C8orf34: variants seen among roughly 807,000 people sequenced by gnomAD.
C8orf34 encodes uncharacterized protein C8orf34.
In C8orf34, 65 loss-of-function variants were observed where a neutral mutation model predicts 68.3. The ratio of observed to expected loss-of-function variants is 0.95; its 90% confidence interval spans 0.78 to 1.17. The LOEUF (loss-of-function observed/expected upper bound fraction) is 1.17. Among genes scored for constraint, C8orf34 ranks in the 50% most tolerant of loss-of-function variants. The pLI, the probability that C8orf34 is intolerant of heterozygous loss-of-function variation, is 0.00. For missense variants in C8orf34, 664 were observed against 655.4 expected, an observed-to-expected ratio of 1.01 and a Z score of -0.14; for synonymous variants, 244 against 241.2, an observed-to-expected ratio of 1.01 and a Z score of -0.11.
intron 7 of C8orf34, among the ~76,000 whole-genome samples, chr8:68,625,048 T>A (rs974204223): frequency 5.9e-5 from 9 of 152,156 alleles, no homozygotes; most frequent in African/African-American, 2.2e-4. Flanking sequence ...TAAAGAAGTA[T>A]AACAGAATAA....
chr8:68,760,374 G>A (rs1018046809), intron 10 of C8orf34, among the ~76,000 whole-genome samples: 1 of 152,156 alleles, frequency 6.6e-6, no homozygotes, highest in African/African-American at 2.4e-5. Flanking sequence ...GAAAATTGAA[G>A]TGACTTGCCT....
intron 6 of C8orf34, chr8:68,525,709 G>C (rs1814947916): frequency 1.5e-6 from 1 of 652,898 alleles, no homozygotes; most frequent in African/African-American, 1.8e-5. Context: ...TGTTTAGCCT[G>C]CCTGTGAGGT....
intron 7 of C8orf34, among the ~76,000 whole-genome samples, chr8:68,536,170 C>T (rs1004360241): frequency 6.6e-6 from 1 of 151,418 alleles, no homozygotes; most frequent in Admixed American, 6.6e-5. Context: ...TGCTTGAGCC[C>T]AGGAATTTGA....
intron 7 of C8orf34, among the ~76,000 whole-genome samples, chr8:68,608,931 G>T (rs1233157396): frequency 6.6e-6 from 1 of 152,142 alleles, no homozygotes; most frequent in African/African-American, 2.4e-5. Context: ...ATTTTGGGGG[G>T]CCAAGGGAGG....
At chr8:68,618,687 T>G (rs1296326746) in intron 7 of C8orf34, among the ~76,000 whole-genome samples, 2 of 152,126 alleles carry the variant, frequency 1.3e-5, no homozygotes, top group African/African-American at 2.4e-5. Flanking sequence ...GTACTTTATT[T>G]TTACAAATCA....
intron 7 of C8orf34, among the ~76,000 whole-genome samples, chr8:68,540,655 T>C (rs1278484209): frequency 6.6e-6 from 1 of 151,876 alleles, no homozygotes. Context: ...GCCTGGCTAG[T>C]ATGGTGAAAC....
intron 1 of C8orf34, among the ~76,000 whole-genome samples, chr8:68,420,381 A>T (rs1331156782): frequency 1.3e-5 from 2 of 152,158 alleles, no homozygotes; most frequent in East Asian, 3.8e-4. Flanking sequence ...AAAAATGTAA[A>T]TTTTTTGAAA....
chr8:68,473,839 A>G (rs1400217300), intron 4 of C8orf34, among the ~76,000 whole-genome samples: 2 of 152,156 alleles, frequency 1.3e-5, no homozygotes, highest in Non-Finnish European at 2.9e-5. Flanking sequence ...TGGAATGAGC[A>G]GTTTTCCAGT....
intron 11 of C8orf34, among the ~76,000 whole-genome samples, chr8:68,776,822 G>C (rs1585866717): frequency 6.6e-6 from 1 of 152,282 alleles, no homozygotes; most frequent in East Asian, 1.9e-4. Flanking sequence ...ATCTATACTA[G>C]GTCTGGATTC....
rs1009584995 is a variant in C8orf34 at position 68,533,409 on chromosome 8, C to T, written c.1105+260C>T. On this transcript the variant is annotated intron_variant, in intron 7 of 13. Coordinates refer to ENST00000518698, the MANE Select transcript of C8orf34 (RefSeq NM_052958.4). ...TTTACCTTCTGACTACGTAATGAAG[C>T]GTTATTCTGTGTGCAACTGTGATCA... The T allele has an allele frequency of 1.4e-5, 16 of 1,144,422 alleles. No individual in the cohort carries two copies. In the South Asian group the frequency reaches 2.3e-4, roughly 17 times the overall value. 70.9% of individuals were successfully genotyped at this position (1,144,422 alleles called of 1,614,324 possible).
At chr8:68,651,785 A>G (rs1819366965) in intron 8 of C8orf34, among the ~76,000 whole-genome samples, 1 of 152,160 alleles carries the variant, frequency 6.6e-6, no homozygotes, top group Admixed American at 6.5e-5. Context: ...GGGATGAAAA[A>G]TTACCTATTG....
chr8:68,536,080 G>T (rs1040864654), intron 7 of C8orf34, among the ~76,000 whole-genome samples: 1 of 151,938 alleles, frequency 6.6e-6, no homozygotes, highest in East Asian at 1.9e-4. Context: ...AAGTTACAAT[G>T]GTAGAATGAG....
At chr8:68,359,284 C>G (rs72664909) in intron 1 of C8orf34, among the ~76,000 whole-genome samples, 125 of 152,214 alleles carry the variant, frequency 8.2e-4, no homozygotes, top group Middle Eastern at 6.8e-3. Flanking sequence ...GCTATTTATG[C>G]TCCTGAGCAA....
rs1367525995 is a variant in C8orf34, at chr8:68,345,171, A to G, written c.327+13832A>G. On this transcript the variant is annotated intron_variant, in intron 1 of 13. Coordinates refer to ENST00000518698, the MANE Select transcript of C8orf34 (RefSeq NM_052958.4). ...TTAAAAATCTTTGCGTAATCTGTAT[A>G]AAAGACACACCAGGAACAAGATGAT... 3.3e-5 allele frequency among the ~76,000 whole-genome samples: 5 copies of G among 152,008 alleles called. No individual in the cohort carries two copies. The East Asian group carries it at 7.7e-4, about 23-fold the overall frequency.
intron 10 of C8orf34, among the ~76,000 whole-genome samples, chr8:68,742,487 G>T (rs56282096): frequency 6.6e-6 from 1 of 152,068 alleles, no homozygotes; most frequent in African/African-American, 2.4e-5. Flanking sequence ...TTTTCATCCA[G>T]TCTCAGAAGA....
chr8:68,410,705 G>A (rs941777794), intron 1 of C8orf34, among the ~76,000 whole-genome samples: 2 of 152,172 alleles, frequency 1.3e-5, no homozygotes, highest in African/African-American at 4.8e-5. Flanking sequence ...GTGGTGTCCA[G>A]CATTACAATT....
chr8:68,681,585 T>G (rs1820373076), intron 8 of C8orf34, among the ~76,000 whole-genome samples: 1 of 152,272 alleles, frequency 6.6e-6, no homozygotes, highest in Non-Finnish European at 1.5e-5. Flanking sequence ...GTACAACCAC[T>G]ATGGAGAACA....
At chr8:68,709,203 T>C in intron 9 of C8orf34, 124 bp downstream of exon 9, 1 of 701,826 alleles carries the variant, frequency 1.4e-6, no homozygotes, top group South Asian at 1.7e-5. Context: ...GCACGTCACA[T>C]ATCTACCGCT....
intron 5 of C8orf34, among the ~76,000 whole-genome samples, chr8:68,495,781 A>G (rs1813497977): frequency 6.6e-6 from 1 of 152,218 alleles, no homozygotes; most frequent in Admixed American, 6.5e-5. Flanking sequence ...CAATCTGTGC[A>G]ATTGGTTATG....
Sources: gnomAD v4.1 joint callset for allele counts (sites outside exome capture counted in the v4.1 genomes callset) on GRCh38, gnomAD v4.1.1 for gene constraint, MANE v1.5 for transcripts, NCBI Gene and HGNC (gene_info 2026-07-23, HGNC 2026-07-21) for gene names.